The following NCK1 variants were observed in gnomAD, a reference collection of about 807,000 sequenced individuals.
The protein encoded by NCK1 is SH2/SH3 adapter protein NCK1.
A neutral mutation model predicts 36.6 loss-of-function variants in NCK1; 19 were observed. That is an observed-to-expected ratio of 0.52 (90% CI 0.36 to 0.76). The LOEUF is 0.76. NCK1 is among the 30% of genes least tolerant of loss of function. The pLI, the probability that NCK1 is intolerant of heterozygous loss-of-function variation, is 0.00. For synonymous variants in NCK1, 165 were observed against 156.0 expected, an observed-to-expected ratio of 1.06 and a Z score of -0.43; for missense variants, 358 against 445.6, an observed-to-expected ratio of 0.80 and a Z score of 1.77.
chr3:136,874,933 A>G (rs1390379841), intron 1 of NCK1, among the ~76,000 whole-genome samples: 2 of 152,194 alleles, frequency 1.3e-5, no homozygotes, highest in Non-Finnish European at 1.5e-5. Flanking sequence ...AGAAGTCTGA[A>G]GACATTCTGA....
At chr3:136,914,109 G>A (rs73231951) in intron 1 of NCK1, among the ~76,000 whole-genome samples, 1 of 152,228 alleles carries the variant, frequency 6.6e-6, no homozygotes, top group African/African-American at 2.4e-5. Context: ...GCCTGACTGC[G>A]GGGAGCAGTG....
chr3:136,867,533 A>G (rs1361286089), intron 1 of NCK1: 1 of 149,624 alleles, frequency 6.7e-6, no homozygotes, highest in Non-Finnish European at 1.5e-5. Flanking sequence ...GGGGTGAGCC[A>G]CTGTGCCTGG....
At chr3:136,916,644 G>A (rs1375865502) in intron 1 of NCK1, among the ~76,000 whole-genome samples, 1 of 152,074 alleles carries the variant, frequency 6.6e-6, no homozygotes, top group Admixed American at 6.5e-5. Context: ...ATGTTGTTTT[G>A]GAAATATGTA....
At chr3:136,944,018 G>T (rs745905713) in intron 2 of NCK1, among the ~76,000 whole-genome samples, 1 of 150,930 alleles carries the variant, frequency 6.6e-6, no homozygotes, top group Non-Finnish European at 1.5e-5. Flanking sequence ...GGTTTTAATT[G>T]AGTAGTTTTG....
intron 1 of NCK1, among the ~76,000 whole-genome samples, chr3:136,916,779 A>G (rs1481138845): frequency 6.6e-6 from 1 of 152,184 alleles, no homozygotes; most frequent in Non-Finnish European, 1.5e-5. Flanking sequence ...TGAAATTGTA[A>G]TTTTGATACT....
chr3:136,863,111 C>T (rs938525), intron 1 of NCK1, among the ~76,000 whole-genome samples: 103,027 of 151,866 alleles, frequency 0.68, 35,271 homozygotes, highest in East Asian at 0.87. Context: ...TAGGAACGCT[C>T]TCGGTGTCAA....
Position 136,944,969 on chromosome 3 carries a change from C to T in NCK1, c.227-614C>T, listed in dbSNP as rs544528935. ...ATTCTATCTGTAAACAAACAAAACTCCCTGTCCTTTTGGAGGTTACATATG... is the reference window on the plus strand; with the variant it reads ...ATTCTATCTGTAAACAAACAAAACTTCCTGTCCTTTTGGAGGTTACATATG... On this transcript the variant is annotated intron_variant, in intron 2 of 3. Transcript: ENST00000481752. 2.6e-5 allele frequency among the ~76,000 whole-genome samples: 4 copies of T among 152,244 alleles called. No homozygotes were observed. In the East Asian group the frequency reaches 7.7e-4, roughly 29 times the overall value.
chr3:136,913,707 C>T (rs980088192), intron 1 of NCK1, among the ~76,000 whole-genome samples: 6 of 152,150 alleles, frequency 3.9e-5, no homozygotes, highest in South Asian at 2.1e-4. Context: ...CTCACTCTTT[C>T]GCCCAGGCTG....
chr3:136,943,946 A>T (rs1274917427), intron 2 of NCK1, among the ~76,000 whole-genome samples: 1 of 152,014 alleles, frequency 6.6e-6, no homozygotes, highest in African/African-American at 2.4e-5. Context: ...AAGGCTGAGG[A>T]CTTTAAAAGT....
rs2108159543 is a variant in NCK1 at position 136,949,942 on chromosome 3, A to C, written c.*1489A>C. On this transcript the variant is annotated 3_prime_UTR_variant, in exon 4 of 4. Coordinates refer to ENST00000481752, the MANE Select transcript of NCK1 (RefSeq NM_001291999.2). Reference sequence around the variant, plus strand: ...CATGGCTTCTCCCACTAAGCAACAGAAGTGACCAAATATAATTAAGACAAA... The same window carrying C: ...CATGGCTTCTCCCACTAAGCAACAGCAGTGACCAAATATAATTAAGACAAA... 1 of 152,204 alleles carries C rather than the reference A, an allele frequency of 6.6e-6. No individual in the cohort carries two copies. The highest frequency in any genetic ancestry group is 1.9e-4 in the East Asian group (1 of 5,190). 9.4% of individuals were successfully genotyped at this position (152,204 alleles called of 1,614,324 possible).
chr3:136,932,519 G>A (rs1940420364), intron 2 of NCK1, among the ~76,000 whole-genome samples: 1 of 151,960 alleles, frequency 6.6e-6, no homozygotes, highest in Non-Finnish European at 1.5e-5. Flanking sequence ...GTGAACAGAT[G>A]GACATATAAA....
chr3:136,940,499 C>T (rs183458787), intron 2 of NCK1, among the ~76,000 whole-genome samples: 4 of 152,000 alleles, frequency 2.6e-5, no homozygotes, highest in Non-Finnish European at 4.4e-5. Context: ...TGGACTGATT[C>T]TTTTATCAAT....
chr3:136,890,971 G>GA (rs1460517770), intron 1 of NCK1, among the ~76,000 whole-genome samples: 1 of 152,206 alleles, frequency 6.6e-6, no homozygotes, highest in Non-Finnish European at 1.5e-5. Context: ...ATGTGTAAGT[G>GA]AAATAAATCA....
Position 136,946,001 on chromosome 3 carries a change from T to C in NCK1, c.645T>C (p.Asp215=), listed in dbSNP as rs745484690. 2 of 1,613,994 alleles carry C rather than the reference T, an allele frequency of 1.2e-6. No homozygotes were observed. Among genetic ancestry groups the C allele is most frequent in the South Asian group, 2.2e-5 (2 of 91,082 alleles). ...AAGAACTTAATTTCGAGAAAGGAGA[T>C]GTAATGGATGTTATTGAAAAACCTG... ...NDEELNFEKG[D]VMDVIEKPEN... is the part of the protein sequence containing the mutation. Residue 215 remains aspartate (D), a synonymous_variant, in exon 3 of 4, where the codon GAT becomes GAC. Coordinates refer to ENST00000481752, the MANE Select transcript of NCK1 (RefSeq NM_001291999.2).
intron 2 of NCK1, among the ~76,000 whole-genome samples, chr3:136,935,203 C>CT (rs1440762802): frequency 1.3e-5 from 2 of 152,008 alleles, no homozygotes; most frequent in African/African-American, 4.8e-5. Flanking sequence ...CTGGGCCATT[C>CT]TTTTTTTGAC....
intron 1 of NCK1, among the ~76,000 whole-genome samples, chr3:136,890,368 C>G (rs748172127): frequency 6.6e-6 from 1 of 152,066 alleles, no homozygotes; most frequent in Non-Finnish European, 1.5e-5. Flanking sequence ...CCCCAGTTCC[C>G]GCTGGCGCCT....
chr3:136,904,536 G>A (rs965933118), intron 1 of NCK1, among the ~76,000 whole-genome samples: 7 of 152,140 alleles, frequency 4.6e-5, no homozygotes, highest in Admixed American at 4.6e-4. Context: ...AGTTTGATGG[G>A]CGTTCCTTTA....
At chr3:136,930,838 T>C (rs1940371921) in intron 2 of NCK1, among the ~76,000 whole-genome samples, 1 of 152,180 alleles carries the variant, frequency 6.6e-6, no homozygotes, top group African/African-American at 2.4e-5. Flanking sequence ...ATATAAATGG[T>C]TTGAGTTTGA....
rs987472087 is a variant in NCK1 at position 136,948,829 on chromosome 3, T to C, written c.*376T>C. On this transcript the variant is annotated 3_prime_UTR_variant, in exon 4 of 4. Coordinates refer to ENST00000481752, the MANE Select transcript of NCK1 (RefSeq NM_001291999.2). Reference sequence around the variant, plus strand: ...GTAAAGGCACCCTGTTCTGTTATGGTTTTTCATTATATAAAATTATTATAT... The same window carrying C: ...GTAAAGGCACCCTGTTCTGTTATGGCTTTTCATTATATAAAATTATTATAT... The C allele has an allele frequency of 6.5e-6, 1 of 153,714 alleles. No homozygotes were observed. Among genetic ancestry groups the C allele is most frequent in the Admixed American group, 6.5e-5 (1 of 15,336 alleles). The allele number at this position is 153,714 out of a possible 1,614,324, so 9.5% of individuals were successfully genotyped here.
Sources: allele counts gnomAD v4.1 joint callset (sites outside exome capture counted in the v4.1 genomes callset), GRCh38; gene constraint gnomAD v4.1.1; transcripts MANE v1.5; gene names NCBI Gene and HGNC (gene_info 2026-07-23, HGNC 2026-07-21).